Variants in PHRF1 observed in about 807,000 individuals in gnomAD.
The protein encoded by PHRF1 is PHD and ring finger domains 1.
In PHRF1, 53 loss-of-function variants were observed where a neutral mutation model predicts 128.9. That is an observed-to-expected ratio of 0.41 (90% CI 0.33 to 0.52). The LOEUF (loss-of-function observed/expected upper bound fraction) is 0.52. PHRF1 is among the 20% of genes least tolerant of loss of function. The probability of loss-of-function intolerance (pLI) is 0.21; values close to 1 mark genes in which losing one functional copy is unlikely to be tolerated. For synonymous variants in PHRF1, 1,178 were observed against 980.6 expected, an observed-to-expected ratio of 1.20 and a Z score of -3.76; for missense variants, 2,503 against 2,284.5, an observed-to-expected ratio of 1.10 and a Z score of -1.95.
At chr11:583,481 C>T (rs1399211827) in intron 3 of PHRF1, among the ~76,000 whole-genome samples, 2 of 152,042 alleles carry the variant, frequency 1.3e-5, no homozygotes, top group Admixed American at 1.3e-4. Context: ...CACGCCACCA[C>T]ACTCCAGCCT....
Position 592,510 on chromosome 11 carries a change from T to C in PHRF1, c.505-49T>C, listed in dbSNP as rs7952542. On this transcript the variant is annotated intron_variant, in intron 5 of 17. Transcript: ENST00000264555. ...ACTGCGTTTCACGCTGGGAAGTGAC[T>C]GCGGGGAGTTTGGGTCCTGTGTGGT... 7.8e-3 allele frequency: 12,153 copies of C among 1,554,838 alleles called. 788 individuals are homozygous for C. In the African/African-American group the frequency reaches 0.14, roughly 18 times the overall value.
rs776894273 is a variant in PHRF1 at position 608,672 on chromosome 11, C to G, written c.3216C>G (p.Asp1072Glu). 2 of 1,612,272 alleles carry G rather than the reference C, an allele frequency of 1.2e-6. No individual in the cohort carries two copies. The highest frequency in any genetic ancestry group is 2.7e-5 in the African/African-American group (2 of 74,922). ...RERAKRKKAK[D>E]KSREHRRGPW... ...GAGCTAAGAGGAAGAAAGCCAAGGA[C>G]AAGAGCAGGGAGCACAGGCGGGGCC... is the stretch of plus-strand genomic sequence containing the variant. Residue 1072 changes from aspartate (D) to glutamate (E), a missense_variant, in exon 14 of 18, where the codon GAC (aspartate) becomes GAG (glutamate). Physicochemically the swap from Asp to Glu is conservative, Grantham distance 45. Transcript: ENST00000264555.
At chr11:603,198 G>A (rs1589891644) in intron 10 of PHRF1, among the ~76,000 whole-genome samples, 3 of 152,236 alleles carry the variant, frequency 2.0e-5, no homozygotes, top group Admixed American at 2.0e-4. Context: ...TGGGACTACA[G>A]GCATAGCCCA....
chr11:596,171 T>C (rs1022135004), intron 6 of PHRF1, among the ~76,000 whole-genome samples: 3 of 152,284 alleles, frequency 2.0e-5, no homozygotes, highest in African/African-American at 7.2e-5. Context: ...TTCCCTTGAT[T>C]GTTTTTGCCT....
chr11:588,890 C>G (rs562771985), intron 4 of PHRF1, among the ~76,000 whole-genome samples: 5 of 152,126 alleles, frequency 3.3e-5, no homozygotes, highest in Non-Finnish European at 7.4e-5. Flanking sequence ...GTAATCTCAG[C>G]ACTTCGGGAG....
In PHRF1 at chr11:605,799, G is replaced by A. The variant is rs192294553; in HGVS notation, c.1454+75G>A. ...CGGATGGGAGTTCTAGGGTGGGGCC[G>A]TGATAGCCTGGCTCTCTGTGGCCCT... is the stretch of plus-strand genomic sequence containing the variant. On this transcript the variant is annotated intron_variant, in intron 12 of 17. Transcript: ENST00000264555. 1.6e-4 allele frequency: 243 copies of A among 1,500,734 alleles called. No homozygotes were observed. In the African/African-American group the frequency reaches 1.6e-3, roughly 10 times the overall value. The allele number at this position is 1,500,734 out of a possible 1,614,324, so 93.0% of individuals were successfully genotyped here.
In PHRF1 at chr11:606,455, G is replaced by A. The variant is rs775367628; in HGVS notation, c.1468G>A (p.Ala490Thr). The change falls in exon 13 of 18, where the codon GCC becomes ACC. Residue 490 changes from alanine (A) to threonine (T), a missense_variant. Ala to Thr is a moderately conservative substitution (Grantham distance 58, BLOSUM62 0). Coordinates refer to ENST00000264555, the MANE Select transcript of PHRF1 (RefSeq NM_001286581.2). ...SVGLSRRRLP[A>T]AVPEPDLEEE... ...CTGTGCCCACAGGAGGCGCCTCCCTGCCGCGGTGCCAGAGCCAGACTTGGA... is the reference window on the plus strand; with the variant it reads ...CTGTGCCCACAGGAGGCGCCTCCCTACCGCGGTGCCAGAGCCAGACTTGGA... 2 of 1,560,446 alleles carry A rather than the reference G, an allele frequency of 1.3e-6. No homozygotes were observed. The highest frequency in any genetic ancestry group is 1.7e-6 in the Non-Finnish European group (2 of 1,158,454).
In PHRF1 at chr11:612,108, G is replaced by A. The variant is rs776436718; in HGVS notation, c.*331G>A. On this transcript the variant is annotated 3_prime_UTR_variant, in exon 18 of 18. Transcript: ENST00000264555. ...GGAAGATAAAGCACTTGGTGATCAA[G>A]AGGGGCTCCTGGTGGGGTGGCGCGT... 2.6e-4 allele frequency: 98 copies of A among 374,702 alleles called. No homozygotes were observed. Among genetic ancestry groups the A allele is most frequent in the Non-Finnish European group, 3.8e-4 (78 of 207,556 alleles). The allele number at this position is 374,702 out of a possible 1,614,324, so 23.2% of individuals were successfully genotyped here. A position where few individuals can be genotyped will look rare whatever the true frequency, so the allele number is the denominator to read the frequency against.
intron 9 of PHRF1, among the ~76,000 whole-genome samples, chr11:600,845 A>T (rs1384444034): frequency 6.6e-6 from 1 of 152,200 alleles, no homozygotes; most frequent in East Asian, 1.9e-4. Context: ...GGGCGCCTGT[A>T]GTCCCAGCTA....
intron 10 of PHRF1, among the ~76,000 whole-genome samples, chr11:602,255 C>T (rs1240383403): frequency 1.3e-5 from 2 of 152,188 alleles, no homozygotes; most frequent in Non-Finnish European, 2.9e-5. Flanking sequence ...TAGTTGATCC[C>T]TAATTATTGT....
Position 606,423 on chromosome 11 carries a change from C to G in PHRF1, c.1455-19C>G. 1 of 1,536,470 alleles carries G rather than the reference C, an allele frequency of 6.5e-7. No individual in the cohort carries two copies. The highest frequency in any genetic ancestry group is 1.2e-5 in the South Asian group (1 of 83,980). On this transcript the variant is annotated intron_variant, in intron 12 of 17. Coordinates refer to ENST00000264555, the MANE Select transcript of PHRF1 (RefSeq NM_001286581.2). ...CCGTGGGAGGCAGTGACGGCAGGGC[C>G]TTGGGTCTGTGCCCACAGGAGGCGC...
rs563673185 is a variant in PHRF1, at chr11:609,538, C to T, written c.4082C>T (p.Pro1361Leu). The T allele has an allele frequency of 1.3e-4, 210 of 1,599,880 alleles. 1 individual carries two copies. The highest frequency in any genetic ancestry group is 3.7e-4 in the South Asian group (33 of 89,478). ...AAEKAEAPSS[P>L]DVAPAGKEDS... ...GAGAAGGCTGAGGCACCCAGTTCCCCGGATGTGGCGCCTGCGGGGAAGGAA... is the reference window on the plus strand; with the variant it reads ...GAGAAGGCTGAGGCACCCAGTTCCCTGGATGTGGCGCCTGCGGGGAAGGAA... The change falls in exon 14 of 18, where the codon CCG becomes CTG. Residue 1361 changes from proline to leucine, a missense_variant. Physicochemically the swap from Pro to Leu is moderately conservative, Grantham distance 98 (BLOSUM62 -3). Coordinates refer to ENST00000264555, the MANE Select transcript of PHRF1 (RefSeq NM_001286581.2).
rs1166710791 is a variant in PHRF1, at chr11:609,099, G to T, written c.3643G>T (p.Asp1215Tyr). The part of the protein sequence containing the change: ...PLAQGEPGRE[D>Y]LPTRLPALGE... The stretch of plus-strand genomic sequence containing the variant: ...TGCACAGGGGGAGCCAGGGCGGGAA[G>T]ACCTCCCCACCAGGTTGCCAGCCTT... Residue 1215 changes from aspartate (D) to tyrosine (Y), a missense_variant, in exon 14 of 18, where the codon GAC (aspartate) becomes TAC (tyrosine). Coordinates refer to ENST00000264555, the MANE Select transcript of PHRF1 (RefSeq NM_001286581.2). The T allele has an allele frequency of 5.6e-6, 9 of 1,604,732 alleles. No individual in the cohort carries two copies. Among genetic ancestry groups the T allele is most frequent in the Non-Finnish European group, 7.6e-6 (9 of 1,176,606 alleles).
In PHRF1 at chr11:605,101, C is replaced by G; in HGVS notation, c.1153-18C>G. ...TCCCCGTCTCTCTGTTCATCTTTTT[C>G]TTTGTTACTGGATTCAGAGTGAAGC... On this transcript the variant is annotated intron_variant, in intron 10 of 17. Transcript: ENST00000264555. 1 of 1,595,162 alleles carries G rather than the reference C, an allele frequency of 6.3e-7. No homozygotes were observed.
In PHRF1 at chr11:600,379, C is replaced by T. The variant is rs546342236; in HGVS notation, c.1025-1195C>T. On this transcript the variant is annotated intron_variant, in intron 9 of 17. Transcript: ENST00000264555. ...TGTGGTGCCTCAGCCTCCTGAGTAGCTTGTAATCCCAGCACTTTGGGAGGC... is the reference window on the plus strand; with the variant it reads ...TGTGGTGCCTCAGCCTCCTGAGTAGTTTGTAATCCCAGCACTTTGGGAGGC... Among the ~76,000 whole-genome samples, 18 of 151,420 alleles carry T rather than the reference C, an allele frequency of 1.2e-4. 1 individual carries two copies. Among genetic ancestry groups the T allele is most frequent in the African/African-American group, 4.4e-4 (18 of 41,258 alleles).
intron 3 of PHRF1, among the ~76,000 whole-genome samples, chr11:586,117 T>C (rs1854541957): frequency 6.6e-6 from 1 of 152,172 alleles, no homozygotes; most frequent in Non-Finnish European, 1.5e-5. Context: ...TGCCTCAGCC[T>C]CCCAAAGTAC....
chr11:581,039 G>T (rs1352722843), intron 1 of PHRF1, among the ~76,000 whole-genome samples: 1 of 151,786 alleles, frequency 6.6e-6, no homozygotes, highest in Non-Finnish European at 1.5e-5. Context: ...GGTCAGGCTG[G>T]TCTCAAACTC....
Position 609,734 on chromosome 11 carries a change from C to A in PHRF1, c.4264+14C>A. On this transcript the variant is annotated intron_variant, in intron 14 of 17. Coordinates refer to ENST00000264555, the MANE Select transcript of PHRF1 (RefSeq NM_001286581.2). The stretch of plus-strand genomic sequence containing the variant: ...ACAGAGCCCCCCGTGAGTAGTGCCC[C>A]GGCCCCCACCGAGGACAGAGCCCCC... The A allele has an allele frequency of 7.0e-7, 1 of 1,437,664 alleles. No homozygotes were observed. 89.1% of individuals were successfully genotyped at this position (1,437,664 alleles called of 1,614,324 possible).
chr11:606,823 G>C, intron 13 of PHRF1: 2 of 861,044 alleles, frequency 2.3e-6, no homozygotes, highest in Non-Finnish European at 3.5e-6. Flanking sequence ...GTCCTGATGG[G>C]GTACTGCCCC....
Sources: allele counts gnomAD v4.1 joint callset (sites outside exome capture counted in the v4.1 genomes callset), GRCh38; gene constraint gnomAD v4.1.1; transcripts MANE v1.5; gene names NCBI Gene and HGNC (gene_info 2026-07-23, HGNC 2026-07-21).